CSMD1: variants seen among roughly 807,000 people sequenced by gnomAD.
The protein encoded by CSMD1 is CUB and Sushi multiple domains 1.
Under a neutral mutation model 417.5 loss-of-function variants are expected in CSMD1, and 213 were observed. That is an observed-to-expected ratio of 0.51 (90% CI 0.46 to 0.57). The LOEUF (loss-of-function observed/expected upper bound fraction) is 0.57, where lower values mean the gene tolerates loss of function less well. Among genes scored for constraint, CSMD1 ranks in the 20% least tolerant of loss-of-function variants. The pLI is 0.00. For missense variants in CSMD1, 6,923 were observed against 4,529.7 expected, an observed-to-expected ratio of 1.53 and a Z score of -15.17; for synonymous variants, 2,862 against 1,736.8, an observed-to-expected ratio of 1.65 and a Z score of -16.11.
intron 37 of CSMD1, among the ~76,000 whole-genome samples, chr8:3,162,503 G>C (rs768238082): frequency 1.3e-5 from 2 of 151,972 alleles, no homozygotes; most frequent in African/African-American, 2.4e-5. Context: ...AATGAATCAA[G>C]GCTTTGATTT....
intron 5 of CSMD1, among the ~76,000 whole-genome samples, chr8:3,829,178 T>G (rs1055223737): frequency 4.6e-5 from 7 of 152,142 alleles, no homozygotes; most frequent in Non-Finnish European, 7.4e-5. Context: ...TCCCTCGCCC[T>G]CCTTTCACTT....
rs1806838909 is a variant in CSMD1 at position 3,889,908 on chromosome 8, C to T, written c.818+107995G>A. ...TATCAAAATTACTTTCTGAGTTGCGCATAATGCCACATGCCCGTAGTCTCA... is the reference window on the plus strand; with the variant it reads ...TATCAAAATTACTTTCTGAGTTGCGTATAATGCCACATGCCCGTAGTCTCA... On this transcript the variant is annotated intron_variant, in intron 5 of 69. Coordinates refer to ENST00000635120, the MANE Select transcript of CSMD1 (RefSeq NM_033225.6). Among the ~76,000 whole-genome samples, 8 of 152,192 alleles carry T rather than the reference C, an allele frequency of 5.3e-5. No homozygotes were observed. The South Asian group carries it at 1.7e-3, about 32-fold the overall frequency.
Position 3,819,769 on chromosome 8 carries a change from T to C in CSMD1, c.819-65727A>G, listed in dbSNP as rs551450160. Among the ~76,000 whole-genome samples the C allele has an allele frequency of 2.0e-5, 3 of 152,216 alleles. No homozygotes were observed. In the East Asian group the frequency reaches 5.8e-4, roughly 30 times the overall value. On this transcript the variant is annotated intron_variant, in intron 5 of 69. Coordinates refer to ENST00000635120, the MANE Select transcript of CSMD1 (RefSeq NM_033225.6). The stretch of plus-strand genomic sequence containing the variant: ...ATGATCAGCTAATTTTTAAAAATTA[T>C]ATAGAGATGTAAGCAATCCTTTTGC...
chr8:4,404,790 G>C (rs1035510948), intron 3 of CSMD1, among the ~76,000 whole-genome samples: 3 of 152,000 alleles, frequency 2.0e-5, no homozygotes, highest in Non-Finnish European at 2.9e-5. Context: ...AGCAAGACTT[G>C]AACTAAATAT....
At chr8:4,928,440 T>A (rs1344295039) in intron 1 of CSMD1, among the ~76,000 whole-genome samples, 1 of 152,216 alleles carries the variant, frequency 6.6e-6, no homozygotes, top group Non-Finnish European at 1.5e-5. Flanking sequence ...ACTACTAACA[T>A]TGTTCCAAGT....
At chr8:3,160,199 C>A (rs1360795955) in intron 38 of CSMD1, among the ~76,000 whole-genome samples, 1 of 152,150 alleles carries the variant, frequency 6.6e-6, no homozygotes, top group African/African-American at 2.4e-5. Flanking sequence ...TCTCGGCTCA[C>A]TGCAACCTCC....
chr8:3,415,235 A>G (rs1813054647), intron 12 of CSMD1, among the ~76,000 whole-genome samples: 1 of 152,114 alleles, frequency 6.6e-6, no homozygotes, highest in African/African-American at 2.4e-5. Context: ...TATACTAATT[A>G]CCTTACATAC....
intron 3 of CSMD1, among the ~76,000 whole-genome samples, chr8:4,199,940 C>T (rs528223479): frequency 3.3e-5 from 5 of 152,140 alleles, no homozygotes; most frequent in Admixed American, 6.5e-5. Context: ...CAAGGAGTTT[C>T]AACCAATGTA....
rs182356031 is a variant in CSMD1, at chr8:4,993,594, G to A, written c.85+738C>T. ...GCCACCCAGAGAAACTCCTTCCCCT[G>A]ACCAGCGTAGAAGGAGGATACCCGT... is the stretch of plus-strand genomic sequence containing the variant. On this transcript the variant is annotated intron_variant, in intron 1 of 69. Transcript: ENST00000635120. Among the ~76,000 whole-genome samples, 60 of 152,276 alleles carry A rather than the reference G, an allele frequency of 3.9e-4. 1 individual carries two copies. In the Middle Eastern group the frequency reaches 0.01, roughly 26 times the overall value.
At chr8:4,583,236 G>A (rs995645707) in intron 2 of CSMD1, among the ~76,000 whole-genome samples, 2 of 152,222 alleles carry the variant, frequency 1.3e-5, no homozygotes, top group Non-Finnish European at 2.9e-5. Flanking sequence ...GGGACTGGCA[G>A]GCAGCTCCAC....
intron 50 of CSMD1, among the ~76,000 whole-genome samples, chr8:3,039,181 G>C (rs2128982595): frequency 6.6e-6 from 1 of 150,606 alleles, no homozygotes; most frequent in Non-Finnish European, 1.5e-5. Flanking sequence ...TATATTCCTA[G>C]ATTCCTGCAG....
intron 5 of CSMD1, among the ~76,000 whole-genome samples, chr8:3,838,149 C>G (rs1448947565): frequency 6.6e-6 from 1 of 152,050 alleles, no homozygotes. Flanking sequence ...GAGTCCTATA[C>G]TAAGTATTGC....
At chr8:4,215,638 T>C (rs1240517679) in intron 3 of CSMD1, among the ~76,000 whole-genome samples, 3 of 152,168 alleles carry the variant, frequency 2.0e-5, no homozygotes, top group South Asian at 4.1e-4. Context: ...ATTTGGATCA[T>C]ACAAGAATTG....
intron 5 of CSMD1, among the ~76,000 whole-genome samples, chr8:3,926,662 T>A (rs1563219134): frequency 3.3e-5 from 5 of 151,556 alleles, no homozygotes; most frequent in Non-Finnish European, 7.4e-5. Context: ...TGACCTATAC[T>A]TTTATGTGAA....
intron 5 of CSMD1, among the ~76,000 whole-genome samples, chr8:3,760,104 G>T (rs913398659): frequency 6.6e-6 from 1 of 152,008 alleles, no homozygotes; most frequent in Non-Finnish European, 1.5e-5. Context: ...TGAGAAGTGA[G>T]AAAAAGAGTA....
At chr8:4,046,879 G>T (rs377169288) in intron 3 of CSMD1, among the ~76,000 whole-genome samples, 2 of 152,132 alleles carry the variant, frequency 1.3e-5, no homozygotes, top group South Asian at 2.1e-4. Flanking sequence ...CACAGAGAAT[G>T]TGACAATGAG....
At chr8:2,999,300 T>C (rs922708616) in intron 53 of CSMD1, among the ~76,000 whole-genome samples, 3 of 151,854 alleles carry the variant, frequency 2.0e-5, no homozygotes, top group Non-Finnish European at 4.4e-5. Flanking sequence ...GGATTACAGA[T>C]GTATGCCACC....
At chr8:3,768,622 G>C (rs749772268) in intron 5 of CSMD1, among the ~76,000 whole-genome samples, 2 of 152,198 alleles carry the variant, frequency 1.3e-5, no homozygotes, top group Non-Finnish European at 2.9e-5. Flanking sequence ...AGCAGGAATT[G>C]ACCATATTTT....
chr8:3,930,253 C>G (rs1810048468), intron 5 of CSMD1, among the ~76,000 whole-genome samples: 1 of 150,254 alleles, frequency 6.7e-6, no homozygotes, highest in Non-Finnish European at 1.5e-5. Flanking sequence ...GACTTTCCTC[C>G]CCATCTAATT....
Sources: gnomAD v4.1 joint callset for allele counts (sites outside exome capture counted in the v4.1 genomes callset) on GRCh38, gnomAD v4.1.1 for gene constraint, MANE v1.5 for transcripts, NCBI Gene and HGNC (gene_info 2026-07-23, HGNC 2026-07-21) for gene names.